The following CATSPERT variants were observed in gnomAD, a reference collection of about 807,000 sequenced individuals.
CATSPERT encodes the protein cation channel sperm-associated targeting subunit tau.
At chr2:201,508,914 G>C in the CATSPERT span, among the ~76,000 whole-genome samples, 1 of 151,832 alleles carries the variant, frequency 6.6e-6, no homozygotes, top group Non-Finnish European at 1.5e-5. Context: ...CTACCTCTTG[G>C]GTATTGTGAA....
At chr2:201,581,433 CATATATATAT>C in the CATSPERT span, among the ~76,000 whole-genome samples, 1 of 77,168 alleles carries the variant, frequency 1.3e-5, no homozygotes, top group Non-Finnish European at 2.4e-5. Flanking sequence ...TACTTAATTT[CATATATATAT>C]ATATATATAT....
the CATSPERT span, among the ~76,000 whole-genome samples, chr2:201,566,881 G>C: frequency 6.6e-6 from 1 of 152,100 alleles, no homozygotes; most frequent in Non-Finnish European, 1.5e-5. Context: ...ATATGGCTAT[G>C]TATATTACCT....
the CATSPERT span, chr2:201,494,759 ACTGC>A: frequency 6.7e-7 from 1 of 1,489,320 alleles, no homozygotes; most frequent in Admixed American, 2.4e-5. Flanking sequence ...AATTTCTGAA[ACTGC>A]AATATTAAAA....
At chr2:201,585,199 C>T in the CATSPERT span, among the ~76,000 whole-genome samples, 8 of 151,508 alleles carry the variant, frequency 5.3e-5, no homozygotes, top group Non-Finnish European at 1.2e-4. Context: ...CACATGGACA[C>T]AGGGGAGGGG....
At chr2:201,547,378 C>A in the CATSPERT span, 1 of 549,968 alleles carries the variant, frequency 1.8e-6, no homozygotes, top group South Asian at 2.5e-5. Context: ...AGGTAAGTAC[C>A]TGAACCATGA....
the CATSPERT span, among the ~76,000 whole-genome samples, chr2:201,502,829 C>A: frequency 3.3e-5 from 5 of 151,918 alleles, no homozygotes; most frequent in Admixed American, 3.3e-4. Flanking sequence ...TTTTTCAGTT[C>A]CCCTCCCAGA....
the CATSPERT span, among the ~76,000 whole-genome samples, chr2:201,497,587 A>G: frequency 2.6e-5 from 4 of 152,236 alleles, no homozygotes; most frequent in Non-Finnish European, 4.4e-5. Flanking sequence ...TGGATTCAAA[A>G]TGCTTACATT....
the CATSPERT span, among the ~76,000 whole-genome samples, chr2:201,544,254 A>C: frequency 6.6e-6 from 1 of 152,002 alleles, no homozygotes; most frequent in Non-Finnish European, 1.5e-5. Context: ...AATCCAGTCT[A>C]TCATTGTTGG....
the CATSPERT span, chr2:201,494,285 G>A: frequency 1.3e-6 from 2 of 1,536,902 alleles, no homozygotes; most frequent in African/African-American, 1.4e-5. Flanking sequence ...TTGTCTGAAA[G>A]GTCTTGCAGA....
the CATSPERT span, among the ~76,000 whole-genome samples, chr2:201,538,259 A>G: frequency 6.6e-6 from 1 of 152,078 alleles, no homozygotes; most frequent in Non-Finnish European, 1.5e-5. Context: ...GGCATCATGC[A>G]ATATTTGTCT....
the CATSPERT span, chr2:201,491,755 C>T: frequency 6.5e-7 from 1 of 1,537,124 alleles, no homozygotes; most frequent in African/African-American, 1.4e-5. Context: ...ATGCTCCTTT[C>T]TATCAAGGGA....
chr2:201,593,005 A>T, the CATSPERT span, among the ~76,000 whole-genome samples: 44 of 151,606 alleles, frequency 2.9e-4, no homozygotes, highest in African/African-American at 9.9e-4. Flanking sequence ...GATTTTAGTT[A>T]TTTCTTGCCT....
chr2:201,574,229 CAA>C, the CATSPERT span: 1 of 1,602,790 alleles, frequency 6.2e-7, no homozygotes, highest in Non-Finnish European at 8.5e-7. Flanking sequence ...AATCCATAAC[CAA>C]AGTTTCCATA....
chr2:201,613,665 AG>A, the CATSPERT span, among the ~76,000 whole-genome samples: 2 of 152,256 alleles, frequency 1.3e-5, no homozygotes, highest in African/African-American at 4.8e-5. Context: ...AAAGGAACAC[AG>A]CTCCTCGCCA....
At chr2:201,549,420 G>T in the CATSPERT span, among the ~76,000 whole-genome samples, 5 of 151,818 alleles carry the variant, frequency 3.3e-5, no homozygotes, top group Admixed American at 3.3e-4. Context: ...TAAAAATTTC[G>T]AATGATTTCA....
the CATSPERT span, chr2:201,534,590 A>G: frequency 2.6e-3 from 2,529 of 983,670 alleles, 52 homozygotes; most frequent in African/African-American, 0.041. Flanking sequence ...TACTCATAGC[A>G]GGGAAAACCA....
chr2:201,514,137 G>A, the CATSPERT span, among the ~76,000 whole-genome samples: 1 of 151,984 alleles, frequency 6.6e-6, no homozygotes, highest in Non-Finnish European at 1.5e-5. Context: ...AGCAAAAGAA[G>A]AACAAATTAT....
the CATSPERT span, chr2:201,565,764 C>T: frequency 6.2e-7 from 1 of 1,601,700 alleles, no homozygotes; most frequent in African/African-American, 1.4e-5. Flanking sequence ...TTTCAAGTCG[C>T]ACTACAGATG....
chr2:201,595,665 T>C, the CATSPERT span, among the ~76,000 whole-genome samples: 2 of 152,168 alleles, frequency 1.3e-5, no homozygotes, highest in Non-Finnish European at 1.5e-5. Flanking sequence ...TCCAGCTGCG[T>C]GCTGGGAGAA....
Sources: allele counts gnomAD v4.1 joint callset (sites outside exome capture counted in the v4.1 genomes callset), GRCh38; gene constraint gnomAD v4.1.1; transcripts MANE v1.5; gene names NCBI Gene and HGNC (gene_info 2026-07-23, HGNC 2026-07-21).